ACAN: variants seen among roughly 807,000 people sequenced by gnomAD.
ACAN encodes aggrecan, also known as aggrecan core protein.
In ACAN, 47 loss-of-function variants were observed where a neutral mutation model predicts 169.1. The ratio of observed to expected loss-of-function variants is 0.28; its 90% CI spans 0.22 to 0.35. ACAN has a LOEUF of 0.35. Ranked by LOEUF, ACAN falls within the 10% of genes least tolerant of loss-of-function variation. The pLI, the probability that ACAN is intolerant of heterozygous loss-of-function variation, is 1.00. For synonymous variants in ACAN, 1,115 were observed against 1,112.2 expected, an observed-to-expected ratio of 1.00 and a Z score of -0.05; for missense variants, 2,716 against 2,759.9, an observed-to-expected ratio of 0.98 and a Z score of 0.36.
chr15:88,846,352 C>G (rs1434259925), intron 7 of ACAN, among the ~76,000 whole-genome samples: 3 of 152,122 alleles, frequency 2.0e-5, no homozygotes, highest in Middle Eastern at 3.2e-3. Flanking sequence ...TCTCATATGG[C>G]CCATGACTTA....
rs1427678528 is a variant in ACAN, at chr15:88,856,953, T to C, written c.4368T>C (p.Val1456=). The C allele has an allele frequency of 6.2e-7, 1 of 1,612,982 alleles. No individual in the cohort carries two copies. The highest frequency in any genetic ancestry group is 2.2e-5 in the East Asian group (1 of 44,828). Residue 1456 remains valine (V), a synonymous_variant, in exon 12 of 19, where the codon GTT becomes GTC. Transcript: ENST00000560601. ...TCAGCGGGCTTCCTTCTGGAGAAGT[T>C]CTAGAGACTTCTACCTCTGCGGTAG... ...EEISGLPSGE[V]LETSTSAVGD... is the part of the protein sequence containing the mutation.
chr15:88,841,604 G>C, intron 4 of ACAN, 136 bp from the exon 5 acceptor site: 3 of 1,137,318 alleles, frequency 2.6e-6, no homozygotes, highest in Non-Finnish European at 3.8e-6. Flanking sequence ...ATAGGCAGTT[G>C]ACATATTCAG....
chr15:88,840,908 G>T (rs547365106), intron 4 of ACAN, among the ~76,000 whole-genome samples: 5 of 152,308 alleles, frequency 3.3e-5, no homozygotes, highest in South Asian at 2.1e-4. Flanking sequence ...ACTTTGGGAG[G>T]CCAAGGCGGG....
At chr15:88,845,984 G>A in intron 7 of ACAN, 102 bp downstream of exon 7, 2 of 1,274,020 alleles carry the variant, frequency 1.6e-6, no homozygotes, top group Non-Finnish European at 2.1e-6. Context: ...ACTTAACCTG[G>A]CACGTGGGAC....
chr15:88,857,584 G>C lies in ACAN; in HGVS notation c.4999G>C (p.Val1667Leu), dbSNP rs1260878311. ...PTVSLVDSTLVEVVTASTASE... is the reference protein window; with the variant it reads ...PTVSLVDSTLLEVVTASTASE... Reference sequence around the variant, plus strand: ...TGTTTCCCTAGTGGATTCTACATTGGTGGAAGTGGTCACAGCCTCCACTGC... The same window carrying C: ...TGTTTCCCTAGTGGATTCTACATTGCTGGAAGTGGTCACAGCCTCCACTGC... The change falls in exon 12 of 19, where the codon GTG becomes CTG. Residue 1667 changes from valine (V) to leucine (L), a missense_variant. Physicochemically the swap from Val to Leu is conservative, Grantham distance 32 (BLOSUM62 1). Coordinates refer to ENST00000560601, the MANE Select transcript of ACAN (RefSeq NM_001369268.1). The C allele has an allele frequency of 6.2e-7, 1 of 1,613,828 alleles. No homozygotes were observed. Among genetic ancestry groups the C allele is most frequent in the African/African-American group, 1.3e-5 (1 of 74,946 alleles).
chr15:88,815,843 C>G (rs563272026), intron 1 of ACAN, among the ~76,000 whole-genome samples: 2 of 152,118 alleles, frequency 1.3e-5, no homozygotes, highest in African/African-American at 4.8e-5. Flanking sequence ...TTTCCTAGGC[C>G]TGCCATAACA....
intron 1 of ACAN, among the ~76,000 whole-genome samples, chr15:88,805,325 C>T (rs1895651143): frequency 6.6e-6 from 1 of 151,998 alleles, no homozygotes; most frequent in African/African-American, 2.4e-5. Flanking sequence ...CCCTGAAGCT[C>T]GTTGGGGGAG....
chr15:88,815,095 T>C (rs2141500379), intron 1 of ACAN, among the ~76,000 whole-genome samples: 1 of 152,152 alleles, frequency 6.6e-6, no homozygotes, highest in South Asian at 2.1e-4. Flanking sequence ...CATTCACTTC[T>C]TGTTTTTTCC....
chr15:88,824,256 G>A (rs369241762), intron 1 of ACAN, among the ~76,000 whole-genome samples: 16 of 151,990 alleles, frequency 1.1e-4, no homozygotes, highest in South Asian at 2.1e-4. Context: ...CCCAGGAGGC[G>A]GAGCTTGCAG....
At position 88,806,606 on chromosome 15, in the gene ACAN, C is replaced by T. The variant is rs917504288; in HGVS notation, c.-8+2797C>T. On this transcript the variant is annotated intron_variant, in intron 1 of 18. Transcript: ENST00000560601. ...CTCAGGTGATCGCCTGCCTCAGCCT[C>T]CCAAAATGCTAGGATTCAGGCGTGA... is the stretch of plus-strand genomic sequence containing the variant. Among the ~76,000 whole-genome samples, 9 of 152,296 alleles carry T rather than the reference C, an allele frequency of 5.9e-5. No homozygotes were observed. In the East Asian group the frequency reaches 1.7e-3, roughly 29 times the overall value.
Position 88,873,700 on chromosome 15 carries a change from G to A in ACAN, c.7448-142G>A, listed in dbSNP as rs1041505367. On this transcript the variant is annotated intron_variant, in intron 17 of 18. Coordinates refer to ENST00000560601, the MANE Select transcript of ACAN (RefSeq NM_001369268.1). This position sits in a 1 kb window ranked among gnomAD's most constrained non-coding sequence, Gnocchi z 7.5. ...CAGATGTTACAGCCAGCGGCTTCCA[G>A]ATTCTTAGCGCTGCATGAAAACGTC... is the stretch of plus-strand genomic sequence containing the variant. The A allele has an allele frequency of 1.3e-5, 11 of 854,766 alleles. No individual in the cohort carries two copies. Among genetic ancestry groups the A allele is most frequent in the Admixed American group, 5.5e-5 (2 of 36,102 alleles). The allele number at this position is 854,766 out of a possible 1,614,324, so 52.9% of individuals were successfully genotyped here.
chr15:88,872,837 A>G lies in ACAN; in HGVS notation c.7303-44A>G. 1 of 1,606,862 alleles carries G rather than the reference A, an allele frequency of 6.2e-7. No individual in the cohort carries two copies. Among genetic ancestry groups the G allele is most frequent in the Non-Finnish European group, 8.5e-7 (1 of 1,176,344 alleles). On this transcript the variant is annotated intron_variant, in intron 16 of 18. Coordinates refer to ENST00000560601, the MANE Select transcript of ACAN (RefSeq NM_001369268.1). This position sits in a 1 kb window ranked among gnomAD's most constrained non-coding sequence, Gnocchi z 5.4. The stretch of plus-strand genomic sequence containing the variant: ...AGACAGTCGGAGCAGGCCAACCCGC[A>G]CTGTCCTGCCCTCTCCTTACTCCTT...
Position 88,861,489 on chromosome 15 carries a change from T to C in ACAN, c.6946+1050T>C, listed in dbSNP as rs1897192729. Among the ~76,000 whole-genome samples the C allele has an allele frequency of 1.3e-5, 2 of 152,110 alleles. No individual in the cohort carries two copies. Among genetic ancestry groups the C allele is most frequent in the Non-Finnish European group, 2.9e-5 (2 of 68,040 alleles). On this transcript the variant is annotated intron_variant, in intron 13 of 18. Transcript: ENST00000560601. This position sits in a 1 kb window ranked among gnomAD's most constrained non-coding sequence, Gnocchi z 6.3. ...TGCAAATTAATACATCATTATATAT[T>C]ATTATATATCATATAAACATGCTGT... is the stretch of plus-strand genomic sequence containing the variant.
chr15:88,824,489 GA>G (rs1234701001), intron 1 of ACAN, among the ~76,000 whole-genome samples: 1 of 152,112 alleles, frequency 6.6e-6, no homozygotes, highest in African/African-American at 2.4e-5. Context: ...ACAGCAGTGA[GA>G]AAAACCAAAA....
In ACAN at chr15:88,868,324, A is replaced by G. The variant is rs1481581046; in HGVS notation, c.7055A>G (p.Glu2352Gly). Residue 2352 changes from glutamate to glycine, a missense_variant, in exon 14 of 19, where the codon GAG becomes GGG. Physicochemically the swap from Glu to Gly is moderately conservative, Grantham distance 98. Coordinates refer to ENST00000560601, the MANE Select transcript of ACAN (RefSeq NM_001369268.1). The surrounding 1 kb of genome is among the most constrained non-coding windows in gnomAD (Gnocchi z 5.2). ...CLPSYEGDLCEIDQEVCEEGW... is the reference protein window; with the variant it reads ...CLPSYEGDLCGIDQEVCEEGW... ...CCCAGCTACGAAGGGGACCTGTGTG[A>G]GATTGGTACGGCCGTCTTGGCTTCA... is the stretch of plus-strand genomic sequence containing the variant. 1 of 702,724 alleles carries G rather than the reference A, an allele frequency of 1.4e-6. No individual in the cohort carries two copies. Among genetic ancestry groups the G allele is most frequent in the Non-Finnish European group, 2.6e-6 (1 of 384,804 alleles). 43.5% of individuals were successfully genotyped at this position (702,724 alleles called of 1,614,324 possible).
rs748722403 is a variant in ACAN at position 88,866,056 on chromosome 15, C to G, written c.6947-2160C>G. Among the ~76,000 whole-genome samples, 1 of 152,166 alleles carries G rather than the reference C, an allele frequency of 6.6e-6. No individual in the cohort carries two copies. The highest frequency in any genetic ancestry group is 6.5e-5 in the Admixed American group (1 of 15,284). Reference sequence around the variant, plus strand: ...GAATTTGTTCCTTCAGTCCCCGCAGCCTTCTCAGATTTTGTGCCCTGGTCA... The same window carrying G: ...GAATTTGTTCCTTCAGTCCCCGCAGGCTTCTCAGATTTTGTGCCCTGGTCA... On this transcript the variant is annotated intron_variant, in intron 13 of 18. Transcript: ENST00000560601. The surrounding 1 kb of genome is among the most constrained non-coding windows in gnomAD (Gnocchi z 5.6).
intron 1 of ACAN, among the ~76,000 whole-genome samples, chr15:88,811,674 C>T (rs1236145898): frequency 6.6e-6 from 1 of 152,164 alleles, no homozygotes; most frequent in Non-Finnish European, 1.5e-5. Flanking sequence ...ACCTGCCTCC[C>T]CTATGTGAGC....
rs749177064 is a variant in ACAN, at chr15:88,858,938, A to G, written c.6353A>G (p.Glu2118Gly). Residue 2118 changes from glutamate to glycine, a missense_variant, in exon 12 of 19, where the codon GAG becomes GGG. Glu to Gly is a moderately conservative substitution (Grantham distance 98, BLOSUM62 -2). Transcript: ENST00000560601. The surrounding 1 kb of genome is among the most constrained non-coding windows in gnomAD (Gnocchi z 4.0). ...EAGFGASAAP[E>G]ASREDSGSPD... The stretch of plus-strand genomic sequence containing the variant: ...GGGTTCGGGGCATCTGCCGCCCCTG[A>G]GGCCAGCAGAGAAGATTCTGGGTCC... 2 of 1,610,706 alleles carry G rather than the reference A, an allele frequency of 1.2e-6. No individual in the cohort carries two copies. The highest frequency in any genetic ancestry group is 1.7e-6 in the Non-Finnish European group (2 of 1,177,452).
In ACAN at chr15:88,856,849, A is replaced by G. The variant is rs35546357; in HGVS notation, c.4264A>G (p.Thr1422Ala). 6,570 of 1,362,588 alleles carry G rather than the reference A, an allele frequency of 4.8e-3. 65 individuals carry two copies. Among genetic ancestry groups the G allele is most frequent in the Middle Eastern group, 0.01 (42 of 4,020 alleles). The allele number at this position is 1,362,588 out of a possible 1,614,324, so 84.4% of individuals were successfully genotyped here. A position where few individuals can be genotyped will look rare whatever the true frequency, so the allele number is the denominator to read the frequency against. Reference sequence around the variant, plus strand: ...TCCTTCTGGAGAAGTTCTAGAGACTACTGCCCCTGGAGTAGATGAGATCAG... The same window carrying G: ...TCCTTCTGGAGAAGTTCTAGAGACTGCTGCCCCTGGAGTAGATGAGATCAG... ...GLPSGEVLET[T>A]APGVDEISGL... Residue 1422 changes from threonine to alanine, a missense_variant, in exon 12 of 19, where the codon ACT becomes GCT. Physicochemically the swap from Thr to Ala is moderately conservative, Grantham distance 58. Transcript: ENST00000560601.
Sources: gnomAD v4.1 joint callset for allele counts (sites outside exome capture counted in the v4.1 genomes callset) on GRCh38, gnomAD v4.1.1 for gene constraint, Gnocchi (gnomAD v3.1) non-coding constraint, MANE v1.5 for transcripts, NCBI Gene and HGNC (gene_info 2026-07-23, HGNC 2026-07-21) for gene names.